Variants in SULT1A1 observed in about 807,000 individuals in gnomAD.
SULT1A1 encodes the protein sulfotransferase 1A1.
A neutral mutation model predicts 36.8 loss-of-function variants in SULT1A1; 35 were observed. The ratio of observed to expected loss-of-function variants is 0.95; its 90% CI spans 0.73 to 1.26. SULT1A1 has a LOEUF of 1.26. SULT1A1 is among the 50% of genes most tolerant of loss of function. The pLI is 0.00. For synonymous variants in SULT1A1, 119 were observed against 146.0 expected (o/e 0.82, Z 1.33); for missense variants, 309 against 383.0 (o/e 0.81, Z 1.61).
chr16:28,608,626 G>A (rs2047321510), intron 2 of SULT1A1, 23 bp from the exon 3 acceptor site: 2 of 1,611,604 alleles, frequency 1.2e-6, no homozygotes, highest in Non-Finnish European at 1.7e-6. Flanking sequence ...GGAGATGGGA[G>A]GTGAGCAGGC....
intron 2 of SULT1A1, among the ~76,000 whole-genome samples, chr16:28,615,734 T>A (rs1050877627): frequency 6.6e-6 from 1 of 152,124 alleles, no homozygotes; most frequent in Non-Finnish European, 1.5e-5. Flanking sequence ...GATACAAGGC[T>A]GAAGGGTCAG....
At chr16:28,623,243 C>T (rs1186689827) in exon 1 of SULT1A1, 3 of 1,545,108 alleles carry the variant, frequency 1.9e-6, no homozygotes, top group Admixed American at 3.9e-5. Context: ...GCAGGCCCAG[C>T]CACACGTAGT....
rs879299828 is a variant in SULT1A1 at position 28,609,920 on chromosome 16, G to A, written c.-5+11C>T. Reference sequence around the variant, plus strand: ...TGAGGGCGCCCTGGGCCGTTCCACTGTGTCACTCACCTGAGCTCTTGGGAA... The same window carrying A: ...TGAGGGCGCCCTGGGCCGTTCCACTATGTCACTCACCTGAGCTCTTGGGAA... On this transcript the variant is annotated intron_variant, in intron 1 of 7. Coordinates refer to ENST00000314752, the MANE Select transcript of SULT1A1 (RefSeq NM_001055.4). 1.6e-6 allele frequency: 2 copies of A among 1,284,680 alleles called. No homozygotes were observed. The highest frequency in any genetic ancestry group is 5.5e-5 in the East Asian group (1 of 18,098). 79.6% of individuals were successfully genotyped at this position (1,284,680 alleles called of 1,614,324 possible). A position where few individuals can be genotyped will look rare whatever the true frequency, so the allele number is the denominator to read the frequency against.
At position 28,606,037 on chromosome 16, in the gene SULT1A1, C is replaced by T. The variant is rs749205974; in HGVS notation, c.775+19G>A. 3.4e-5 allele frequency: 55 copies of T among 1,608,654 alleles called. 1 individual carries two copies. Among genetic ancestry groups the T allele is most frequent in the Middle Eastern group, 3.6e-4 (2 of 5,568 alleles). On this transcript the variant is annotated intron_variant, in intron 7 of 7. Transcript: ENST00000314752. ...GCTGCTCCCACCCGCCCCAAACCCC[C>T]GTGCTGGCCAGCACCCACCTTTCCT...
chr16:28,608,530 G>A lies in SULT1A1; in HGVS notation c.222C>T (p.Pro74=), dbSNP rs2047315179. ...GGDLEKCHRA[P]IFMRVPFLEF... is the part of the protein sequence containing the mutation. Reference sequence around the variant, plus strand: ...CAAGGAAGGGCACCCGCATGAAGATGGGAGCTCGGTGACACTTCTCCAGGT... The same window carrying A: ...CAAGGAAGGGCACCCGCATGAAGATAGGAGCTCGGTGACACTTCTCCAGGT... Residue 74 remains proline, a synonymous_variant, in exon 3 of 8, where the codon CCC becomes CCT. Coordinates refer to ENST00000314752, the MANE Select transcript of SULT1A1 (RefSeq NM_001055.4). 6 of 1,612,482 alleles carry A rather than the reference G, an allele frequency of 3.7e-6. No homozygotes were observed. The highest frequency in any genetic ancestry group is 5.1e-6 in the Non-Finnish European group (6 of 1,178,700).
chr16:28,623,020 G>T, intron 1 of SULT1A1: 1 of 1,399,234 alleles, frequency 7.1e-7, no homozygotes, highest in South Asian at 1.4e-5. Flanking sequence ...GCTCCTGCCC[G>T]GGTCCCCAGG....
At chr16:28,608,141 C>T (rs1330309875) in intron 4 of SULT1A1, 150 bp downstream of exon 4, 3 of 1,180,912 alleles carry the variant, frequency 2.5e-6, no homozygotes, top group Non-Finnish European at 3.5e-6. Context: ...GCACCCGCCA[C>T]CACACCCGGC....
chr16:28,615,768 A>G (rs1329503236), intron 2 of SULT1A1, among the ~76,000 whole-genome samples: 1 of 152,210 alleles, frequency 6.6e-6, no homozygotes, highest in East Asian at 1.9e-4. Context: ...AGTCACCTCC[A>G]ATGATAGGTA....
At chr16:28,621,740 C>A (rs571938089) in intron 1 of SULT1A1, among the ~76,000 whole-genome samples, 4 of 152,120 alleles carry the variant, frequency 2.6e-5, no homozygotes, top group African/African-American at 9.6e-5. Flanking sequence ...ACCCACTGAC[C>A]CCGTCAGGCT....
chr16:28,609,857 T>C, intron 1 of SULT1A1, 74 bp downstream of exon 1: 1 of 1,217,718 alleles, frequency 8.2e-7, no homozygotes. Flanking sequence ...GCCAGAGGCC[T>C]CAGCTTCTGG....
intron 2 of SULT1A1, chr16:28,620,000 T>TGTGTGC (rs2151723876): frequency 2.2e-6 from 3 of 1,394,046 alleles, no homozygotes; most frequent in Non-Finnish European, 3.0e-6. Flanking sequence ...ATATTGTGTG[T>TGTGTGC]GTGTGTGTGT....
At chr16:28,609,692 A>C (rs1386306603) in intron 1 of SULT1A1, 5 of 427,454 alleles carry the variant, frequency 1.2e-5, no homozygotes, top group African/African-American at 1.0e-4. Flanking sequence ...CAGGAATTCA[A>C]GGCTGCAGTG....
At chr16:28,608,124 A>T in intron 4 of SULT1A1, 167 bp downstream of exon 4, 1 of 1,014,360 alleles carries the variant, frequency 9.9e-7, no homozygotes. Context: ...AGTAGCTGGG[A>T]TTACAGGCAC....
In SULT1A1 at chr16:28,608,571, T is replaced by C. The variant is rs771955044; in HGVS notation, c.181A>G (p.Ile61Val). 4.3e-6 allele frequency: 7 copies of C among 1,612,294 alleles called. 1 individual carries two copies. Among genetic ancestry groups the C allele is most frequent in the Non-Finnish European group, 5.9e-6 (7 of 1,178,560 alleles). ...TTWVSQILDM[I>V]YQGGDLEKCH... ...TTCTCCAGGTCACCACCCTGGTAGA[T>C]CATGTCCAGAATCTGGCTTACCCAG... is the stretch of plus-strand genomic sequence containing the variant. Residue 61 changes from isoleucine (I) to valine (V), a missense_variant, in exon 3 of 8, where the codon ATC (isoleucine) becomes GTC (valine). Physicochemically the swap from Ile to Val is conservative, Grantham distance 29. This residue lies in a region of SULT1A1 where 219 missense variants were observed against 215.3 expected (regional missense o/e 1.02). Transcript: ENST00000314752.
intron 1 of SULT1A1, chr16:28,609,582 A>G: frequency 2.4e-6 from 1 of 421,950 alleles, no homozygotes; most frequent in Non-Finnish European, 4.2e-6. Context: ...CCCCATCTCT[A>G]AAAATCTTTA....
At chr16:28,621,133 A>G (rs1458405783) in intron 1 of SULT1A1, among the ~76,000 whole-genome samples, 1 of 151,850 alleles carries the variant, frequency 6.6e-6, no homozygotes, top group African/African-American at 2.4e-5. Context: ...AAGAAAAGAA[A>G]AAGAGAACAA....
At chr16:28,623,165 G>A in exon 1 of SULT1A1, 1 of 1,520,986 alleles carries the variant, frequency 6.6e-7, no homozygotes, top group Non-Finnish European at 8.8e-7. Flanking sequence ...TGGGCGCACC[G>A]ACCACCTGGT....
rs577428969 is a variant in SULT1A1 at position 28,618,673 on chromosome 16, A to G, written c.138+1390T>C. Among the ~76,000 whole-genome samples, 3 of 151,970 alleles carry G rather than the reference A, an allele frequency of 2.0e-5. No homozygotes were observed. In the East Asian group the frequency reaches 5.8e-4, roughly 30 times the overall value. On this transcript the variant is annotated intron_variant, in intron 2 of 5. Coordinates refer to the SULT1A1 transcript ENST00000350842. ...TTTTGCACTGGACTGGACTATATAT[A>G]TTTGTGCCGAGCAAACAGTAAAACC...
At position 28,606,911 on chromosome 16, in the gene SULT1A1, C is replaced by T. The variant is rs373444797; in HGVS notation, c.499+40G>A. On this transcript the variant is annotated intron_variant, in intron 5 of 7. Transcript: ENST00000314752. ...GGGTTGCTGTGCGTTGTAGCCACCA[C>T]CCCTTAGCTCCACACTTTCCTTCCT... 1.1e-4 allele frequency: 178 copies of T among 1,612,380 alleles called. 10 individuals are homozygous for T. The Middle Eastern group carries it at 1.7e-3, about 15-fold the overall frequency.
Sources: gnomAD v4.1 joint callset for allele counts (sites outside exome capture counted in the v4.1 genomes callset) on GRCh38, gnomAD v4.1.1 for gene constraint, gnomAD v4.1.1 regional missense constraint, MANE v1.5 for transcripts, NCBI Gene and HGNC (gene_info 2026-07-23, HGNC 2026-07-21) for gene names.